Variants in LUZP2 observed in about 807,000 individuals in gnomAD.
The protein encoded by LUZP2 is leucine zipper protein 2.
Under a neutral mutation model 51.6 loss-of-function variants are expected in LUZP2, and 52 were observed. The ratio of observed to expected loss-of-function variants is 1.01; its 90% CI spans 0.81 to 1.27. The LOEUF (loss-of-function observed/expected upper bound fraction) is 1.27. LUZP2 is among the 50% of genes most tolerant of loss of function. The pLI is 0.00. For missense variants in LUZP2, 436 were observed against 395.4 expected (o/e 1.10, Z -0.87); for synonymous variants, 154 against 137.3 (o/e 1.12, Z -0.85).
chr11:24,944,230 C>T (rs1854839811), intron 7 of LUZP2, among the ~76,000 whole-genome samples: 7 of 152,076 alleles, frequency 4.6e-5, no homozygotes, highest in Non-Finnish European at 1.5e-5. Context: ...TGAAGCTCCT[C>T]GGTTAACTTA....
At chr11:24,949,299 T>A (rs1449346766) in intron 7 of LUZP2, among the ~76,000 whole-genome samples, 1 of 89,590 alleles carries the variant, frequency 1.1e-5, no homozygotes, top group Admixed American at 1.1e-4. Flanking sequence ...TATCTATCTA[T>A]CTATCTATCT....
At chr11:24,512,206 G>A (rs967077288) in intron 1 of LUZP2, among the ~76,000 whole-genome samples, 5 of 151,964 alleles carry the variant, frequency 3.3e-5, no homozygotes, top group Non-Finnish European at 5.9e-5. Context: ...AATGTGGAAT[G>A]TGGTGGTTGT....
At chr11:24,501,417 C>T (rs1849989227) in intron 1 of LUZP2, among the ~76,000 whole-genome samples, 1 of 152,150 alleles carries the variant, frequency 6.6e-6, no homozygotes, top group African/African-American at 2.4e-5. Context: ...AGAACTTGAC[C>T]TTCTAACTAA....
intron 1 of LUZP2, among the ~76,000 whole-genome samples, chr11:24,610,062 A>C (rs1005835422): frequency 6.6e-6 from 1 of 152,222 alleles, no homozygotes; most frequent in Admixed American, 6.5e-5. Flanking sequence ...ACAGTCAAAG[A>C]AACAATCACT....
intron 4 of LUZP2, among the ~76,000 whole-genome samples, chr11:24,752,653 A>G (rs965460505): frequency 2.6e-5 from 4 of 151,720 alleles, no homozygotes; most frequent in South Asian, 2.1e-4. Flanking sequence ...CTTAGAAGCA[A>G]TTATGGTGAG....
intron 9 of LUZP2, among the ~76,000 whole-genome samples, chr11:25,026,153 GA>G (rs1046638809): frequency 4.6e-5 from 6 of 131,746 alleles, no homozygotes; most frequent in Admixed American, 8.0e-5. Context: ...GGGGTAGGGG[GA>G]GGGGGGAGGG....
chr11:24,813,749 T>C (rs1346730551), intron 5 of LUZP2, among the ~76,000 whole-genome samples: 1 of 152,218 alleles, frequency 6.6e-6, no homozygotes, highest in Non-Finnish European at 1.5e-5. Context: ...CCAGACATGC[T>C]AAATTACTCA....
chr11:24,977,952 C>A (rs1036741349), intron 8 of LUZP2, among the ~76,000 whole-genome samples: 8 of 151,116 alleles, frequency 5.3e-5, no homozygotes, highest in Non-Finnish European at 7.4e-5. Context: ...GTGGTCACAG[C>A]TTAGTAACCA....
Position 24,538,560 on chromosome 11 carries a change from TTAGG to T in LUZP2, c.62+41260_62+41263del, listed in dbSNP as rs573763314. Among the ~76,000 whole-genome samples the T allele has an allele frequency of 5.9e-4, 90 of 151,796 alleles. 1 individual carries two copies. The highest frequency in any genetic ancestry group is 3.4e-3 in the Middle Eastern group (1 of 294). On this transcript the variant is annotated intron_variant, in intron 1 of 11. Transcript: ENST00000336930. ...TGTATATTTTATTTTAATAAAGTTGTTAGGTAGGCTAAAATGAACTATTCTACAA... is the reference window on the plus strand; with the variant it reads ...TGTATATTTTATTTTAATAAAGTTGTTAGGCTAAAATGAACTATTCTACAA...
intron 1 of LUZP2, among the ~76,000 whole-genome samples, chr11:24,558,131 T>C (rs1375358419): frequency 6.6e-6 from 1 of 152,106 alleles, no homozygotes; most frequent in African/African-American, 2.4e-5. Flanking sequence ...TCTCCTGCTC[T>C]TGGATGTCAA....
chr11:25,028,438 A>G (rs576696301), intron 9 of LUZP2, among the ~76,000 whole-genome samples: 3 of 152,168 alleles, frequency 2.0e-5, no homozygotes, highest in Non-Finnish European at 2.9e-5. Flanking sequence ...TGTGGTGTAT[A>G]TAATAATGAA....
At chr11:25,005,159 A>G (rs1183351069) in intron 9 of LUZP2, among the ~76,000 whole-genome samples, 1 of 151,870 alleles carries the variant, frequency 6.6e-6, no homozygotes, top group Non-Finnish European at 1.5e-5. Context: ...AGCCGGGTGG[A>G]TTTTGTGGTC....
chr11:24,662,798 A>G (rs1856064689), intron 1 of LUZP2, among the ~76,000 whole-genome samples: 1 of 152,092 alleles, frequency 6.6e-6, no homozygotes, highest in Non-Finnish European at 1.5e-5. Context: ...ATTTAATTAA[A>G]ATTATTTGTC....
intron 5 of LUZP2, among the ~76,000 whole-genome samples, chr11:24,782,895 T>G (rs527549530): frequency 1.5e-4 from 23 of 152,058 alleles, no homozygotes; most frequent in Admixed American, 5.3e-4. Flanking sequence ...AGTAAATCAG[T>G]CAGAACACAT....
chr11:25,065,692 A>C (rs947982668), intron 10 of LUZP2, among the ~76,000 whole-genome samples: 2 of 151,994 alleles, frequency 1.3e-5, no homozygotes, highest in African/African-American at 4.8e-5. Context: ...GAATTAAAAG[A>C]ATGAAATTTC....
At chr11:24,911,570 G>C (rs1853637896) in intron 6 of LUZP2, among the ~76,000 whole-genome samples, 1 of 152,060 alleles carries the variant, frequency 6.6e-6, no homozygotes, top group African/African-American at 2.4e-5. Flanking sequence ...GCCACCCTGT[G>C]AAGAGGTGCC....
chr11:24,621,573 T>C (rs1854496350), intron 1 of LUZP2, among the ~76,000 whole-genome samples: 1 of 152,214 alleles, frequency 6.6e-6, no homozygotes, highest in South Asian at 2.1e-4. Context: ...CTAAATTCTC[T>C]CTGTCATTAA....
intron 1 of LUZP2, among the ~76,000 whole-genome samples, chr11:24,690,049 C>T (rs1208239709): frequency 6.6e-6 from 1 of 152,036 alleles, no homozygotes; most frequent in East Asian, 1.9e-4. Context: ...AGACACTGGC[C>T]TAATGGGAGG....
intron 10 of LUZP2, among the ~76,000 whole-genome samples, chr11:25,067,260 T>C (rs1227828223): frequency 6.6e-6 from 1 of 152,044 alleles, no homozygotes; most frequent in African/African-American, 2.4e-5. Flanking sequence ...TTTAAGTTCT[T>C]TTTAGATTCT....
Sources: allele counts gnomAD v4.1 joint callset (sites outside exome capture counted in the v4.1 genomes callset), GRCh38; gene constraint gnomAD v4.1.1; transcripts MANE v1.5; gene names NCBI Gene and HGNC (gene_info 2026-07-23, HGNC 2026-07-21).